The following GPC3 variants were observed in gnomAD, a reference collection of about 807,000 sequenced individuals.
GPC3 encodes glypican-3.
In GPC3, 3 loss-of-function variants were observed where a neutral mutation model predicts 34.4. The ratio of observed to expected loss-of-function variants is 0.09; its 90% confidence interval spans 0.04 to 0.23. GPC3 has a LOEUF of 0.23. Among genes scored for constraint, GPC3 ranks in the 10% least tolerant of loss-of-function variants. The pLI is 1.00. For synonymous variants in GPC3, 177 were observed against 174.0 expected (o/e 1.02, Z -0.13); for missense variants, 351 against 445.6 (o/e 0.79, Z 1.91).
intron 2 of GPC3, among the ~76,000 whole-genome samples, chrX:133,822,553 G>A (rs917573763): frequency 2.7e-5 from 3 of 111,082 alleles, no homozygotes; most frequent in Non-Finnish European, 3.8e-5. Context: ...TGTGCCCTGC[G>A]TATAAATTAA....
At chrX:133,573,936 T>C (rs939279501) in intron 7 of GPC3, among the ~76,000 whole-genome samples, 4 of 112,033 alleles carry the variant, frequency 3.6e-5, no homozygotes, top group Non-Finnish European at 5.6e-5. Context: ...CATCAACTGA[T>C]GAATAGTTAA....
chrX:133,818,862 C>T (rs1449510575), intron 2 of GPC3, among the ~76,000 whole-genome samples: 1 of 109,987 alleles, frequency 9.1e-6, no homozygotes, highest in Non-Finnish European at 1.9e-5. Flanking sequence ...AACTGCTGTG[C>T]CATGACCCCA....
rs1375647911 is a variant in GPC3, at chrX:133,661,715, T to G, written c.1413+15A>C. The G allele has an allele frequency of 9.4e-7, 1 of 1,065,989 alleles. No homozygotes were observed. The highest frequency in any genetic ancestry group is 2.3e-5 in the Admixed American group (1 of 43,363). 87.8% of individuals were successfully genotyped at this position (1,065,989 alleles called of 1,213,427 possible). On this transcript the variant is annotated intron_variant, in intron 6 of 7. Transcript: ENST00000370818. ...TTCTACTTTTTATTATTATTATTTT[T>G]TATATTCCACATACCTGGTTAATGT... is the stretch of plus-strand genomic sequence containing the variant.
chrX:133,692,626 T>A, intron 4 of GPC3, 132 bp from the exon 5 acceptor site: 1 of 561,720 alleles, frequency 1.8e-6, no homozygotes, highest in East Asian at 3.6e-5. Flanking sequence ...TTAAAGACAT[T>A]CTTGGCTACA....
chrX:133,751,074 AAAATAAATAAATAAATAAAT>A (rs60283835), intron 3 of GPC3, among the ~76,000 whole-genome samples: 17 of 88,587 alleles, frequency 1.9e-4, no homozygotes, highest in African/African-American at 6.1e-4. Context: ...CTCTGTCTCA[AAAATAAATAAATAAATAAAT>A]AAATAAATAA....
chrX:133,839,731 C>A (rs975418518), intron 2 of GPC3, among the ~76,000 whole-genome samples: 8 of 109,223 alleles, frequency 7.3e-5, no homozygotes, highest in Admixed American at 5.9e-4. Context: ...GAGATTGAGA[C>A]CATCCCTGCT....
Position 133,715,000 on chromosome X carries a change from G to T in GPC3, c.1033-14972C>A, listed in dbSNP as rs145307131. Among the ~76,000 whole-genome samples the T allele has an allele frequency of 7.6e-3, 850 of 111,910 alleles. 5 individuals are homozygous for T. The highest frequency in any genetic ancestry group is 0.026 in the African/African-American group (796 of 30,817). ...ACTTGATTAGATTGAAGGGTGCAAA[G>T]TATTGTTCCTGGGTGTGTCTGTGAG... On this transcript the variant is annotated intron_variant, in intron 3 of 7. Transcript: ENST00000370818.
rs1165193952 is a variant in GPC3, at chrX:133,863,648, C to CTTTTTTTTTTTTTTTTTTT, written c.337+89401_337+89402insAAAAAAAAAAAAAAAAAAA. Among the ~76,000 whole-genome samples, 7 of 72,881 alleles carry CTTTTTTTTTTTTTTTTTTT rather than the reference C, an allele frequency of 9.6e-5. 1 individual carries two copies. Among genetic ancestry groups the CTTTTTTTTTTTTTTTTTTT allele is most frequent in the East Asian group, 4.0e-4 (1 of 2,492 alleles). 63.3% of individuals were successfully genotyped at this position (72,881 alleles called of 115,157 possible). A position where few individuals can be genotyped will look rare whatever the true frequency, so the allele number is the denominator to read the frequency against. On this transcript the variant is annotated intron_variant, in intron 2 of 7. Transcript: ENST00000370818. ...ACCCCTAGTTAACATAAAAATATTC[C>CTTTTTTTTTTTTTTTTTTT]TTTTTTTTTTTTTTTTTTGAGACGG...
intron 2 of GPC3, among the ~76,000 whole-genome samples, chrX:133,806,927 C>G (rs1001193275): frequency 9.0e-6 from 1 of 111,669 alleles, no homozygotes; most frequent in Admixed American, 9.5e-5. Context: ...GGATTACAGG[C>G]GTGAGCCACC....
At chrX:133,663,634 C>T (rs975817850) in intron 5 of GPC3, among the ~76,000 whole-genome samples, 1 of 111,447 alleles carries the variant, frequency 9.0e-6, no homozygotes, top group African/African-American at 3.3e-5. Flanking sequence ...GTGTTATCTC[C>T]ACAGGGTGAT....
chrX:133,974,136 T>C (rs1390998686), intron 1 of GPC3, among the ~76,000 whole-genome samples: 1 of 112,024 alleles, frequency 8.9e-6, no homozygotes, highest in Admixed American at 9.5e-5. Context: ...CTGCAACCTC[T>C]GCCTCTGGGC....
At chrX:133,840,495 A>G (rs1434564771) in intron 2 of GPC3, among the ~76,000 whole-genome samples, 2 of 111,071 alleles carry the variant, frequency 1.8e-5, no homozygotes, top group East Asian at 2.9e-4. Context: ...AGTAGTACCT[A>G]TCTCGCGAGG....
intron 2 of GPC3, among the ~76,000 whole-genome samples, chrX:133,893,824 GGTTTTTTGTTT>G (rs1305655778): frequency 9.0e-6 from 1 of 111,389 alleles, no homozygotes; most frequent in Admixed American, 9.6e-5. Context: ...ATCAAAAGTG[GGTTTTTTGTTT>G]GTTTTTTGTT....
intron 6 of GPC3, among the ~76,000 whole-genome samples, chrX:133,598,167 T>A (rs2069939641): frequency 8.9e-6 from 1 of 111,851 alleles, no homozygotes; most frequent in Admixed American, 9.5e-5. Context: ...ATTTCTTTTT[T>A]TTTGACACAG....
intron 1 of GPC3, among the ~76,000 whole-genome samples, chrX:133,967,168 G>C (rs185309161): frequency 9.2e-4 from 103 of 112,092 alleles, no homozygotes; most frequent in Admixed American, 8.5e-3. Flanking sequence ...ACTTTTCTCT[G>C]AACCAAATGT....
At chrX:133,983,692 A>G (rs1304757318) in intron 1 of GPC3, among the ~76,000 whole-genome samples, 1 of 111,407 alleles carries the variant, frequency 9.0e-6, no homozygotes, top group East Asian at 2.8e-4. Flanking sequence ...ATTACCAACA[A>G]AAGCATGTTC....
intron 2 of GPC3, chrX:133,763,136 C>A: frequency 1.4e-6 from 1 of 716,835 alleles, no homozygotes; most frequent in Non-Finnish European, 2.2e-6. Context: ...CAGATCCAGG[C>A]AGCCTTTCAG....
At chrX:133,555,194 G>A (rs1417980897) in intron 7 of GPC3, among the ~76,000 whole-genome samples, 5 of 112,594 alleles carry the variant, frequency 4.4e-5, no homozygotes, top group South Asian at 7.3e-4. Flanking sequence ...AACTATGGGC[G>A]CATGCCACCT....
At chrX:133,720,255 T>C (rs1460052437) in intron 3 of GPC3, among the ~76,000 whole-genome samples, 1 of 112,082 alleles carries the variant, frequency 8.9e-6, no homozygotes, top group Non-Finnish European at 1.9e-5. Context: ...TAATTTGCAA[T>C]TGCAAAAATA....
Sources: allele counts gnomAD v4.1 joint callset (sites outside exome capture counted in the v4.1 genomes callset), GRCh38; gene constraint gnomAD v4.1.1; transcripts MANE v1.5; gene names NCBI Gene and HGNC (gene_info 2026-07-23, HGNC 2026-07-21).